Variants in MPP1 observed in about 807,000 individuals in gnomAD.
The protein encoded by MPP1 is 55 kDa erythrocyte membrane protein.
A neutral mutation model predicts 38.2 loss-of-function variants in MPP1; 6 were observed. The ratio of observed to expected loss-of-function variants is 0.16; its 90% CI spans 0.09 to 0.31. The LOEUF (loss-of-function observed/expected upper bound fraction) is 0.31. Among genes scored for constraint, MPP1 ranks in the 10% least tolerant of loss-of-function variants. The pLI, the probability that MPP1 is intolerant of heterozygous loss-of-function variation, is 1.00. For synonymous variants in MPP1, 153 were observed against 146.3 expected (o/e 1.05, Z -0.33); for missense variants, 293 against 368.9 (o/e 0.79, Z 1.69).
At position 154,786,168 on chromosome X, in the gene MPP1, G is replaced by A. The variant is rs781957740; in HGVS notation, c.677+36C>T. The A allele has an allele frequency of 3.5e-6, 4 of 1,137,567 alleles. No homozygotes were observed. The Admixed American group carries it at 9.6e-5, about 27-fold the overall frequency. The allele number at this position is 1,137,567 out of a possible 1,213,427, so 93.7% of individuals were successfully genotyped here. A position where few individuals can be genotyped will look rare whatever the true frequency, so the allele number is the denominator to read the frequency against. ...TCTGAAGCTAAGTTATTTGTGGCAG[G>A]CACATGGCCCTTCCACCTGCACAAA... On this transcript the variant is annotated intron_variant, in intron 6 of 11. Coordinates refer to ENST00000369534, the MANE Select transcript of MPP1 (RefSeq NM_002436.4).
chrX:154,804,252 G>A (rs1295208269), intron 1 of MPP1, among the ~76,000 whole-genome samples: 2 of 111,488 alleles, frequency 1.8e-5, no homozygotes, highest in African/African-American at 6.5e-5. Context: ...GAAATCGGAG[G>A]GTTACTGTAA....
intron 6 of MPP1, among the ~76,000 whole-genome samples, chrX:154,785,560 C>T (rs1404682695): frequency 8.9e-6 from 1 of 112,144 alleles, no homozygotes; most frequent in Non-Finnish European, 1.9e-5. Context: ...AAAACAACTG[C>T]TTCACAAAAC....
chrX:154,786,533 C>A, intron 5 of MPP1, 133 bp from the exon 6 acceptor site: 2 of 570,944 alleles, frequency 3.5e-6, no homozygotes, highest in South Asian at 3.0e-5. Flanking sequence ...GGGGAGCACC[C>A]AAGAAAGAGA....
chrX:154,781,667 G>T lies in MPP1; in HGVS notation c.1082C>A (p.Thr361Asn). The change falls in exon 10 of 12, where the codon ACC becomes AAC. Residue 361 changes from threonine (T) to asparagine (N), a missense_variant. Physicochemically the swap from Thr to Asn is moderately conservative, Grantham distance 65. Transcript: ENST00000369534. ...GATCTGGTGCACTGTTTCAAATTTG[G>T]TGCCAAACATGTTGCCTTGGTAGCT... ...FGSYQGNMFG[T>N]KFETVHQIHK... The T allele has an allele frequency of 2.5e-6, 3 of 1,211,389 alleles. No homozygotes were observed. Among genetic ancestry groups the T allele is most frequent in the Non-Finnish European group, 3.4e-6 (3 of 895,447 alleles).
At chrX:154,787,606 A>G (rs782248133) in intron 5 of MPP1, among the ~76,000 whole-genome samples, 42 of 111,865 alleles carry the variant, frequency 3.8e-4, no homozygotes, top group Non-Finnish European at 5.8e-4. Flanking sequence ...CCTACATCCA[A>G]CGTCATACTT....
intron 8 of MPP1, 38 bp from the exon 9 acceptor site, chrX:154,783,545 G>C: frequency 9.2e-7 from 1 of 1,087,742 alleles, no homozygotes; most frequent in Non-Finnish European, 1.3e-6. Flanking sequence ...GGAAAGGGGG[G>C]AGAGGAGCGA....
chrX:154,789,825 G>A, intron 5 of MPP1, 129 bp downstream of exon 5: 2 of 449,612 alleles, frequency 4.4e-6, no homozygotes, highest in East Asian at 4.0e-5. Context: ...GAGCCAAGCA[G>A]CTACACACTT....
chrX:154,786,601 A>G (rs1179143315), intron 5 of MPP1, among the ~76,000 whole-genome samples: 3 of 111,322 alleles, frequency 2.7e-5, no homozygotes, highest in Non-Finnish European at 5.7e-5. Context: ...CCCTTTAACA[A>G]GAAGGCATGA....
At chrX:154,779,844 G>A (rs868909756) in intron 11 of MPP1, among the ~76,000 whole-genome samples, 9 of 112,931 alleles carry the variant, frequency 8.0e-5, no homozygotes, top group Middle Eastern at 4.2e-3. Flanking sequence ...TCAGCCTCCC[G>A]AGTAGCTGGG....
chrX:154,801,486 C>T (rs920339075), intron 1 of MPP1, among the ~76,000 whole-genome samples: 1 of 110,648 alleles, frequency 9.0e-6, no homozygotes, highest in African/African-American at 3.3e-5. Context: ...AGGCCCAGGG[C>T]GCTGGATCAT....
At chrX:154,781,381 C>T (rs1472650611) in intron 10 of MPP1, 68 bp from the exon 11 acceptor site, 1 of 867,072 alleles carries the variant, frequency 1.2e-6, no homozygotes, top group Non-Finnish European at 1.7e-6. Flanking sequence ...AAAAAAAAAA[C>T]CTACATAGCT....
At chrX:154,790,925 G>A (rs2072135519) in intron 4 of MPP1, 58 bp downstream of exon 4, 3 of 1,067,460 alleles carry the variant, frequency 2.8e-6, no homozygotes, top group Non-Finnish European at 3.9e-6. Flanking sequence ...TGATACCAAT[G>A]TGGATCAACA....
chrX:154,790,837 C>T, intron 4 of MPP1, 146 bp downstream of exon 4: 1 of 500,935 alleles, frequency 2.0e-6, no homozygotes, highest in Non-Finnish European at 3.3e-6. Context: ...ATTATCATTT[C>T]TTACACAGAT....
intron 1 of MPP1, among the ~76,000 whole-genome samples, chrX:154,800,232 T>A (rs2072247285): frequency 8.9e-6 from 1 of 112,095 alleles, no homozygotes; most frequent in South Asian, 3.7e-4. Flanking sequence ...AAGCCAAGGG[T>A]ATTCTGAAGT....
rs984225553 is a variant in MPP1, at chrX:154,804,478, G to A, written c.102+794C>T. On this transcript the variant is annotated intron_variant, in intron 1 of 11. Transcript: ENST00000369534. ...TTGGGACCTGGCCAGCATGCTGTGA[G>A]GAAGACCAAGCCACAGGGAGAGGCT... 2.0e-4 allele frequency among the ~76,000 whole-genome samples: 22 copies of A among 111,221 alleles called. 1 individual carries two copies. The highest frequency in any genetic ancestry group is 7.2e-4 in the African/African-American group (22 of 30,486).
At position 154,789,637 on chromosome X, in the gene MPP1, C is replaced by T. The variant is rs149880856; in HGVS notation, c.480+317G>A. On this transcript the variant is annotated intron_variant, in intron 5 of 11. Transcript: ENST00000369534. ...CTCTTCATTCCCTTTACCCATTTTC[C>T]TCTTGGAGCTGTATTGATTCCTTAC... 9.4e-3 allele frequency among the ~76,000 whole-genome samples: 1,040 copies of T among 111,108 alleles called. 14 individuals are homozygous for T. Among genetic ancestry groups the T allele is most frequent in the African/African-American group, 0.032 (977 of 30,514 alleles).
At chrX:154,791,740 A>G (rs782754739) in intron 3 of MPP1, 29 bp downstream of exon 3, 1 of 1,173,812 alleles carries the variant, frequency 8.5e-7, no homozygotes. Context: ...TCCCTGAATC[A>G]AACCCCACCC....
chrX:154,791,744 C>T, intron 3 of MPP1, 25 bp downstream of exon 3: 1 of 1,182,379 alleles, frequency 8.5e-7, no homozygotes, highest in Non-Finnish European at 1.1e-6. Flanking sequence ...TGAATCAAAC[C>T]CCACCCAGAG....
In MPP1 at chrX:154,785,112, G is replaced by A; in HGVS notation, c.723C>T (p.Ser241=). 1.7e-6 allele frequency: 2 copies of A among 1,210,680 alleles called. No individual in the cohort carries two copies. The highest frequency in any genetic ancestry group is 2.2e-6 in the Non-Finnish European group (2 of 894,986). ...MAQSAPSEAP[S]CSPFGKKKKY... ...TCTTCTTCTTCCCAAAGGGACTGCA[G>A]CTCGGGGCTTCGCTAGGAGCTGACT... Residue 241 remains serine, a synonymous_variant, in exon 7 of 12, where the codon AGC becomes AGT. Transcript: ENST00000369534.
Sources: gnomAD v4.1 joint callset for allele counts (sites outside exome capture counted in the v4.1 genomes callset) on GRCh38, gnomAD v4.1.1 for gene constraint, MANE v1.5 for transcripts, NCBI Gene and HGNC (gene_info 2026-07-23, HGNC 2026-07-21) for gene names.